ADAMTS2: variants seen among roughly 807,000 people sequenced by gnomAD.
ADAMTS2 encodes ADAM metallopeptidase with thrombospondin type 1 motif 2, also known as A disintegrin and metalloproteinase with thrombospondin motifs 2.
ADAMTS2 carries 50 observed loss-of-function variants against 123.0 expected under a neutral mutation model. The ratio of observed to expected loss-of-function variants is 0.41; its 90% CI spans 0.32 to 0.51. ADAMTS2 has a LOEUF of 0.51. Ranked by LOEUF, ADAMTS2 falls within the 20% of genes least tolerant of loss-of-function variation. The pLI is 0.35. For missense variants in ADAMTS2, 1,494 were observed against 1,705.2 expected (o/e 0.88, Z 2.18); for synonymous variants, 678 against 695.4 (o/e 0.98, Z 0.39).
intron 3 of ADAMTS2, among the ~76,000 whole-genome samples, chr5:179,209,637 C>T (rs1352847236): frequency 8.8e-6 from 1 of 113,292 alleles, no homozygotes; most frequent in Non-Finnish European, 2.0e-5. Context: ...TCCAGGGCCA[C>T]TCCAGGGACA....
chr5:179,195,783 G>A (rs971448913), intron 4 of ADAMTS2, among the ~76,000 whole-genome samples: 1 of 152,208 alleles, frequency 6.6e-6, no homozygotes, highest in African/African-American at 2.4e-5. Context: ...GGGCCAGGCT[G>A]TAAGGCCAGC....
rs990874053 is a variant in ADAMTS2 at position 179,112,827 on chromosome 5, C to T, written c.*1040G>A. 1 of 152,196 alleles carries T rather than the reference C, an allele frequency of 6.6e-6. No individual in the cohort carries two copies. Among genetic ancestry groups the T allele is most frequent in the African/African-American group, 2.4e-5 (1 of 41,424 alleles). 9.4% of individuals were successfully genotyped at this position (152,196 alleles called of 1,614,324 possible). ...GAGGCTCTCTGGGGAGCCCTGGAGC[C>T]AAGGTGGCCAGGGAAGAATGCAGGA... On this transcript the variant is annotated 3_prime_UTR_variant, in exon 22 of 22. Transcript: ENST00000251582.
chr5:179,123,247 C>A (rs1178663560), intron 19 of ADAMTS2, among the ~76,000 whole-genome samples: 2 of 152,250 alleles, frequency 1.3e-5, no homozygotes, highest in Non-Finnish European at 2.9e-5. Flanking sequence ...AGCACCACCA[C>A]TGCTCCACCA....
chr5:179,124,875 G>A (rs560916137), intron 19 of ADAMTS2, 98 bp downstream of exon 19: 3 of 1,575,988 alleles, frequency 1.9e-6, no homozygotes, highest in South Asian at 1.1e-5. Flanking sequence ...GCGGGTGGTG[G>A]TGTTGTGTAG....
chr5:179,245,787 A>AAAAAAC (rs1765783863), intron 3 of ADAMTS2, among the ~76,000 whole-genome samples: 48 of 76,108 alleles, frequency 6.3e-4, no homozygotes, highest in African/African-American at 2.2e-3. Flanking sequence ...AAAAAAAAAA[A>AAAAAAC]AAAAAAAACA....
At chr5:179,203,979 G>T (rs1764622597) in intron 4 of ADAMTS2, among the ~76,000 whole-genome samples, 1 of 152,228 alleles carries the variant, frequency 6.6e-6, no homozygotes, top group East Asian at 1.9e-4. Context: ...ACAAAATGTG[G>T]CCGATCCACC....
intron 2 of ADAMTS2, among the ~76,000 whole-genome samples, chr5:179,324,844 G>A (rs1053812943): frequency 6.6e-6 from 1 of 152,228 alleles, no homozygotes; most frequent in Non-Finnish European, 1.5e-5. Flanking sequence ...AAGACAGGAA[G>A]GTTTGCTGGA....
chr5:179,343,845 G>C lies in ADAMTS2; in HGVS notation c.456C>G (p.Leu152=), dbSNP rs750739595. The change falls in exon 2 of 22, where the codon CTC becomes CTG. Residue 152 remains leucine (L), a synonymous_variant. Coordinates refer to ENST00000251582, the MANE Select transcript of ADAMTS2 (RefSeq NM_014244.5). ...CGTCTCCGACGTAGAGACAGCTCCC[G>C]AGCAGGGGCTCCACGCGGGTGGTGC... ...EKGTTRVEPL[L]GSCLYVGDVA... 3 of 1,603,686 alleles carry C rather than the reference G, an allele frequency of 1.9e-6. No homozygotes were observed. Among genetic ancestry groups the C allele is most frequent in the African/African-American group, 2.7e-5 (2 of 74,762 alleles).
In ADAMTS2 at chr5:179,308,330, T is replaced by A. The variant is rs1166901369; in HGVS notation, c.535-35266A>T. Among the ~76,000 whole-genome samples the A allele has an allele frequency of 6.6e-6, 1 of 152,166 alleles. No individual in the cohort carries two copies. Among genetic ancestry groups the A allele is most frequent in the African/African-American group, 2.4e-5 (1 of 41,440 alleles). On this transcript the variant is annotated intron_variant, in intron 2 of 21. Coordinates refer to ENST00000251582, the MANE Select transcript of ADAMTS2 (RefSeq NM_014244.5). The surrounding 1 kb of genome is among the most constrained non-coding windows in gnomAD (Gnocchi z 6.6). ...CAGGACCATCTGACAAATGACCGCC[T>A]TGGGGATCCGTGGAGCTCAGCGGTG... is the stretch of plus-strand genomic sequence containing the variant.
chr5:179,226,054 C>G (rs1012868277), intron 3 of ADAMTS2, among the ~76,000 whole-genome samples: 1 of 152,162 alleles, frequency 6.6e-6, no homozygotes, highest in African/African-American at 2.4e-5. Context: ...TATTCTCCCC[C>G]AGAGGTTTGA....
intron 3 of ADAMTS2, among the ~76,000 whole-genome samples, chr5:179,245,120 T>C (rs1305579614): frequency 6.6e-6 from 1 of 151,974 alleles, no homozygotes; most frequent in Non-Finnish European, 1.5e-5. Flanking sequence ...ATCACAAGGG[T>C]CCATAGAGGG....
chr5:179,308,138 G>T lies in ADAMTS2; in HGVS notation c.535-35074C>A, dbSNP rs191771298. ...GGCCAAGTTTGCCGCCTTCTGGAGC[G>T]ACAACAAGGAGAAAACAGGGGTTTA... is the stretch of plus-strand genomic sequence containing the variant. On this transcript the variant is annotated intron_variant, in intron 2 of 21. Coordinates refer to ENST00000251582, the MANE Select transcript of ADAMTS2 (RefSeq NM_014244.5). This position sits in a 1 kb window ranked among gnomAD's most constrained non-coding sequence, Gnocchi z 6.6. Among the ~76,000 whole-genome samples, 12 of 152,270 alleles carry T rather than the reference G, an allele frequency of 7.9e-5. No homozygotes were observed. The highest frequency in any genetic ancestry group is 5.2e-4 in the Admixed American group (8 of 15,292).
chr5:179,335,870 C>A (rs1368992575), intron 2 of ADAMTS2, among the ~76,000 whole-genome samples: 2 of 152,214 alleles, frequency 1.3e-5, no homozygotes, highest in African/African-American at 4.8e-5. Flanking sequence ...AGCCTCCACG[C>A]CCTCTCTGGG....
chr5:179,345,418 G>A lies in ADAMTS2; in HGVS notation c.-90C>T. The A allele has an allele frequency of 1.9e-6, 2 of 1,036,062 alleles. No individual in the cohort carries two copies. Among genetic ancestry groups the A allele is most frequent in the Non-Finnish European group, 2.3e-6 (2 of 858,430 alleles). 64.2% of individuals were successfully genotyped at this position (1,036,062 alleles called of 1,614,324 possible). ...CAGCCCACATCTGGGGGCAGCTGGA[G>A]CCGCCCGCAGCTGCAGCACCGCAGG... On this transcript the variant is annotated 5_prime_UTR_variant, in exon 1 of 22. Transcript: ENST00000251582. This position sits in a 1 kb window ranked among gnomAD's most constrained non-coding sequence, Gnocchi z 7.5.
Position 179,132,807 on chromosome 5 carries a change from C to T in ADAMTS2, c.2179G>A (p.Gly727Ser). 1.2e-6 allele frequency: 2 copies of T among 1,614,094 alleles called. No individual in the cohort carries two copies. Among genetic ancestry groups the T allele is most frequent in the Non-Finnish European group, 1.7e-6 (2 of 1,180,020 alleles). The change falls in exon 14 of 22, where the codon GGC (glycine) becomes AGC (serine). Residue 727 changes from glycine (G) to serine (S), a missense_variant. This residue lies in a region of ADAMTS2 where 953 missense variants were observed against 1,124.7 expected (regional missense o/e 0.85). Coordinates refer to ENST00000251582, the MANE Select transcript of ADAMTS2 (RefSeq NM_014244.5). The surrounding 1 kb of genome is among the most constrained non-coding windows in gnomAD (Gnocchi z 6.1). Reference protein sequence around the residue: ...GDNSHCKVVKGTFTRSPKKHG... With the variant: ...GDNSHCKVVKSTFTRSPKKHG... ...TTCTTGGGTGACCGTGTGAACGTGC[C>T]CTTGACCACTTTGCAGTGGCTGTTG...
intron 2 of ADAMTS2, among the ~76,000 whole-genome samples, chr5:179,325,664 C>T (rs1375575676): frequency 6.6e-6 from 1 of 152,266 alleles, no homozygotes; most frequent in Non-Finnish European, 1.5e-5. Context: ...CCTCGGGGAA[C>T]CTGGGCCTCT....
chr5:179,168,283 G>A (rs1456648341), intron 5 of ADAMTS2, among the ~76,000 whole-genome samples: 2 of 152,144 alleles, frequency 1.3e-5, no homozygotes, highest in East Asian at 3.9e-4. Flanking sequence ...GGGAGGGGTG[G>A]CAAAGTCACT....
At chr5:179,131,846 G>A (rs1006076879) in intron 15 of ADAMTS2, among the ~76,000 whole-genome samples, 6 of 152,242 alleles carry the variant, frequency 3.9e-5, no homozygotes, top group African/African-American at 1.4e-4. Flanking sequence ...CCTTGCTGAG[G>A]GGATGGGAGG....
rs1469095869 is a variant in ADAMTS2 at position 179,152,177 on chromosome 5, G to A, written c.1594C>T (p.Pro532Ser). Reference sequence around the variant, plus strand: ...GCACACATAGTCCCGTCCAAGGGGGGCCCCTTCTTGGTCTTGCAAAAGTAG... The same window carrying A: ...GCACACATAGTCCCGTCCAAGGGGGACCCCTTCTTGGTCTTGCAAAAGTAG... ...NPYFCKTKKG[P>S]PLDGTMCAPG... Residue 532 changes from proline to serine, a missense_variant, in exon 10 of 22, where the codon CCC becomes TCC. By Grantham distance (74) the Pro-to-Ser change is moderately conservative. Transcript: ENST00000251582. The A allele has an allele frequency of 6.2e-7, 1 of 1,613,920 alleles. No homozygotes were observed. Among genetic ancestry groups the A allele is most frequent in the East Asian group, 2.2e-5 (1 of 44,882 alleles).
Sources: gnomAD v4.1 joint callset for allele counts (sites outside exome capture counted in the v4.1 genomes callset) on GRCh38, gnomAD v4.1.1 for gene constraint, gnomAD v4.1.1 regional missense constraint, Gnocchi (gnomAD v3.1) non-coding constraint, MANE v1.5 for transcripts, NCBI Gene and HGNC (gene_info 2026-07-23, HGNC 2026-07-21) for gene names.